ZIM2: variants seen among roughly 807,000 people sequenced by gnomAD.
The protein encoded by ZIM2 is zinc finger imprinted 2.
ZIM2 carries 14 observed loss-of-function variants against 38.6 expected under a neutral mutation model. The ratio of observed to expected loss-of-function variants is 0.36; its 90% CI spans 0.24 to 0.57. The LOEUF (loss-of-function observed/expected upper bound fraction) is 0.57. Ranked by LOEUF, ZIM2 falls within the 20% of genes least tolerant of loss-of-function variation. The pLI is 0.81. For missense variants in ZIM2, 680 were observed against 695.1 expected (o/e 0.98, Z 0.24); for synonymous variants, 247 against 245.8 (o/e 1.00, Z -0.04).
intron 7 of ZIM2, among the ~76,000 whole-genome samples, chr19:56,820,599 C>A (rs992160837): frequency 6.6e-6 from 1 of 152,238 alleles, no homozygotes; most frequent in Non-Finnish European, 1.5e-5. Flanking sequence ...TCCCCCAACA[C>A]CTGACCCGGC....
At chr19:56,818,525 C>T in intron 8 of ZIM2, 75 bp downstream of exon 8, 2 of 1,504,444 alleles carry the variant, frequency 1.3e-6, no homozygotes, top group Non-Finnish European at 1.8e-6. Flanking sequence ...CTCTAACATC[C>T]AGCTTAAAAA....
At chr19:56,823,892 G>A (rs2060755524) in intron 4 of ZIM2, among the ~76,000 whole-genome samples, 1 of 151,996 alleles carries the variant, frequency 6.6e-6, no homozygotes, top group Admixed American at 6.5e-5. Context: ...TGACCACCCC[G>A]ACCTCACCCC....
At chr19:56,816,726 G>T in intron 9 of ZIM2, 1 of 1,614,112 alleles carries the variant, frequency 6.2e-7, no homozygotes, top group Non-Finnish European at 8.5e-7. Flanking sequence ...AACTATGAAG[G>T]AAGGTTTCCT....
intron 10 of ZIM2, among the ~76,000 whole-genome samples, chr19:56,785,918 T>C (rs1336658946): frequency 6.6e-6 from 1 of 152,116 alleles, no homozygotes; most frequent in African/African-American, 2.4e-5. Context: ...AAGTATACAA[T>C]TTAATGAGTT....
chr19:56,815,683 C>T (rs777580090), intron 9 of ZIM2: 2 of 1,614,162 alleles, frequency 1.2e-6, no homozygotes, highest in South Asian at 2.2e-5. Context: ...AGAGAATTCG[C>T]CATCCTTCTT....
At chr19:56,820,424 G>C (rs1213927027) in intron 7 of ZIM2, among the ~76,000 whole-genome samples, 1 of 152,186 alleles carries the variant, frequency 6.6e-6, no homozygotes, top group East Asian at 1.9e-4. Flanking sequence ...CATTGTCAAG[G>C]AAGGGCATTT....
chr19:56,827,178 C>T (rs942978226), intron 2 of ZIM2, among the ~76,000 whole-genome samples: 1 of 152,174 alleles, frequency 6.6e-6, no homozygotes, highest in Admixed American at 6.5e-5. Context: ...AGATGGAGGA[C>T]TTCCTACAAT....
In ZIM2 at chr19:56,792,530, CAAAAAAAAAAAAAAA is replaced by C. The variant is rs1215431208; in HGVS notation, c.491-2594_491-2580del. On this transcript the variant is annotated intron_variant, in intron 9 of 12. Transcript: ENST00000629319. The stretch of plus-strand genomic sequence containing the variant: ...TGGGCGACAGAGCAAGACTCTGTCT[CAAAAAAAAAAAAAAA>C]AAAAAAAAAAAAGAGAAAACCAAAT... 4.3e-4 allele frequency among the ~76,000 whole-genome samples: 9 copies of C among 20,952 alleles called. No individual in the cohort carries two copies. In the South Asian group the frequency reaches 0.017, roughly 41 times the overall value. 13.7% of individuals were successfully genotyped at this position (20,952 alleles called of 152,430 possible).
At chr19:56,812,527 T>G (rs927827342) in intron 9 of ZIM2, 1 of 985,566 alleles carries the variant, frequency 1.0e-6, no homozygotes, top group African/African-American at 1.7e-5. Context: ...CCTGGGCACC[T>G]AGGGTGCAAA....
intron 10 of ZIM2, among the ~76,000 whole-genome samples, chr19:56,787,772 T>C (rs2046694519): frequency 1.3e-5 from 2 of 150,914 alleles, no homozygotes; most frequent in Admixed American, 1.3e-4. Context: ...CAGAACTTGT[T>C]ATTGGTCTAT....
Position 56,836,010 on chromosome 19 carries a change from C to G in ZIM2, c.-227+8G>C, listed in dbSNP as rs1162380033. Reference sequence around the variant, plus strand: ...AATGTGGCACTGTGAGGAGGAAATTCAACTCACCTGGACCCAGCCACCTAG... The same window carrying G: ...AATGTGGCACTGTGAGGAGGAAATTGAACTCACCTGGACCCAGCCACCTAG... On this transcript the variant is annotated splice_region_variant and intron_variant, in intron 2 of 12. Coordinates refer to ENST00000629319, the MANE Select transcript of ZIM2 (RefSeq NM_001387356.1). The G allele has an allele frequency of 7.8e-6, 4 of 511,042 alleles. No individual in the cohort carries two copies. Among genetic ancestry groups the G allele is most frequent in the South Asian group, 5.8e-5 (4 of 69,350 alleles). 31.7% of individuals were successfully genotyped at this position (511,042 alleles called of 1,614,324 possible). A position where few individuals can be genotyped will look rare whatever the true frequency, so the allele number is the denominator to read the frequency against.
At chr19:56,828,331 G>A (rs575371192) in intron 2 of ZIM2, among the ~76,000 whole-genome samples, 1 of 152,284 alleles carries the variant, frequency 6.6e-6, no homozygotes, top group East Asian at 1.9e-4. Context: ...GTTGCAATCT[G>A]AATATACCCC....
At chr19:56,783,180 T>A (rs1411650249) in intron 10 of ZIM2, among the ~76,000 whole-genome samples, 1 of 152,208 alleles carries the variant, frequency 6.6e-6, no homozygotes, top group Non-Finnish European at 1.5e-5. Context: ...AAACATTCAT[T>A]AACAGTAGAA....
chr19:56,810,774 A>G (rs1457139020), intron 9 of ZIM2: 2 of 980,806 alleles, frequency 2.0e-6, no homozygotes, highest in Admixed American at 1.2e-4. Context: ...AAGATAGAGG[A>G]AACAGATCAA....
chr19:56,791,747 T>C (rs1425430648), intron 9 of ZIM2, among the ~76,000 whole-genome samples: 1 of 152,196 alleles, frequency 6.6e-6, no homozygotes, highest in African/African-American at 2.4e-5. Context: ...TTTTAGTTAG[T>C]ATTATTTGTT....
At chr19:56,815,218 C>T (rs746102341) in intron 9 of ZIM2, 2 of 1,613,960 alleles carry the variant, frequency 1.2e-6, no homozygotes, top group East Asian at 2.2e-5. Flanking sequence ...GGTCTCCTCG[C>T]TGTGGGTCTC....
In ZIM2 at chr19:56,817,226, C is replaced by G. The variant is rs553693488; in HGVS notation, c.490+520G>C. ...TTCTTCCTGGGACAGCCTTTTTGAT[C>G]GTGAATCGAGCCCTTCCCATCTGTG... On this transcript the variant is annotated intron_variant, in intron 9 of 12. Transcript: ENST00000629319. The G allele has an allele frequency of 1.2e-6, 2 of 1,614,088 alleles. No individual in the cohort carries two copies. The highest frequency in any genetic ancestry group is 2.7e-5 in the African/African-American group (2 of 75,032).
intron 9 of ZIM2, chr19:56,812,581 G>A (rs2059609661): frequency 1.0e-6 from 1 of 985,796 alleles, no homozygotes; most frequent in African/African-American, 1.7e-5. Flanking sequence ...GGGGACCCAA[G>A]CCATGTTGCT....
In ZIM2 at chr19:56,775,272, T is replaced by A. The variant is rs1173891704; in HGVS notation, c.1093A>T (p.Lys365Ter). The change falls in exon 13 of 13, where the codon AAA (lysine) becomes TAA (stop). Residue 365 changes from lysine to a stop codon, truncating the protein, a stop_gained. Coordinates refer to ENST00000629319, the MANE Select transcript of ZIM2 (RefSeq NM_001387356.1). LOFTEE classifies it low-confidence loss of function (END_TRUNC). Reference protein sequence around the residue: ...ENKHNRCEFCKRTFSTQVALR... With the variant: ...ENKHNRCEFC The stretch of plus-strand genomic sequence containing the variant: ...GCTACTTGCGTACTAAAGGTTCGTT[T>A]GCAAAATTCACATCTGTTGTGTTTG... 1 of 1,614,180 alleles carries A rather than the reference T, an allele frequency of 6.2e-7. No individual in the cohort carries two copies. Among genetic ancestry groups the A allele is most frequent in the East Asian group, 2.2e-5 (1 of 44,880 alleles).
Sources: allele counts gnomAD v4.1 joint callset (sites outside exome capture counted in the v4.1 genomes callset), GRCh38; gene constraint gnomAD v4.1.1; transcripts MANE v1.5; gene names NCBI Gene and HGNC (gene_info 2026-07-23, HGNC 2026-07-21).